ICE1: variants seen among roughly 807,000 people sequenced by gnomAD.
ICE1 encodes little elongation complex subunit 1.
In ICE1, 64 loss-of-function variants were observed where a neutral mutation model predicts 192.7. The observed-to-expected ratio is 0.33, with a 90% CI of 0.27 to 0.41. The LOEUF is 0.41. Among genes scored for constraint, ICE1 ranks in the 10% least tolerant of loss-of-function variants. ICE1 has a pLI of 1.00. For synonymous variants in ICE1, 1,010 were observed against 984.5 expected (o/e 1.03, Z -0.49); for missense variants, 2,708 against 2,696.0 (o/e 1.00, Z -0.10).
intron 10 of ICE1, among the ~76,000 whole-genome samples, chr5:5,453,969 G>A (rs952113519): frequency 1.4e-4 from 22 of 151,978 alleles, no homozygotes; most frequent in African/African-American, 4.4e-4. Context: ...TGTGATGATC[G>A]GTTCCTACCC....
At position 5,465,119 on chromosome 5, in the gene ICE1, C is replaced by A; in HGVS notation, c.5785C>A (p.Leu1929Met). 1 of 1,612,470 alleles carries A rather than the reference C, an allele frequency of 6.2e-7. No individual in the cohort carries two copies. The change falls in exon 13 of 19, where the codon CTG becomes ATG. Residue 1929 changes from leucine to methionine, a missense_variant. Transcript: ENST00000296564. ...LKKIAEFSFDLLPVIRSHVYV... is the reference protein window; with the variant it reads ...LKKIAEFSFDMLPVIRSHVYV... Reference sequence around the variant, plus strand: ...GAAAATTGCAGAGTTTTCTTTTGATCTGTTACCTGTCATTCGTAGTCATGT... The same window carrying A: ...GAAAATTGCAGAGTTTTCTTTTGATATGTTACCTGTCATTCGTAGTCATGT...
intron 17 of ICE1, among the ~76,000 whole-genome samples, chr5:5,478,854 T>C (rs563786894): frequency 2.1e-4 from 32 of 152,292 alleles, no homozygotes; most frequent in African/African-American, 7.5e-4. Context: ...GGAAAAGGAT[T>C]CCCTATTTAT....
intron 1 of ICE1, among the ~76,000 whole-genome samples, chr5:5,428,226 G>A (rs1737583968): frequency 6.6e-6 from 1 of 152,086 alleles, no homozygotes; most frequent in Non-Finnish European, 1.5e-5. Flanking sequence ...CAGTTAGAGA[G>A]AGGTGGACAT....
Position 5,467,792 on chromosome 5 carries a change from A to G in ICE1, c.6062-1036A>G, listed in dbSNP as rs558583527. 1.1e-4 allele frequency among the ~76,000 whole-genome samples: 16 copies of G among 152,334 alleles called. No individual in the cohort carries two copies. In the South Asian group the frequency reaches 2.5e-3, roughly 24 times the overall value. On this transcript the variant is annotated intron_variant, in intron 14 of 18. Coordinates refer to ENST00000296564, the MANE Select transcript of ICE1 (RefSeq NM_015325.3). ...TAGATAAAGTAGAACAAAGAAAACT[A>G]AAAAGATGTGATTGTACAGCAAACA... is the stretch of plus-strand genomic sequence containing the variant.
At chr5:5,468,365 C>CT (rs1166340955) in intron 14 of ICE1, among the ~76,000 whole-genome samples, 2 of 152,146 alleles carry the variant, frequency 1.3e-5, no homozygotes, top group African/African-American at 4.8e-5. Context: ...GAACTTTATA[C>CT]TTTAAAAGAG....
At chr5:5,481,698 T>G (rs574590712) in intron 17 of ICE1, among the ~76,000 whole-genome samples, 1 of 152,338 alleles carries the variant, frequency 6.6e-6, no homozygotes, top group East Asian at 1.9e-4. Flanking sequence ...ATAACAATGT[T>G]TTCATCAGCA....
chr5:5,456,557 T>C (rs1250856607), intron 11 of ICE1, among the ~76,000 whole-genome samples: 1 of 152,214 alleles, frequency 6.6e-6, no homozygotes, highest in Admixed American at 6.5e-5. Context: ...TTGTTCAGAT[T>C]GGCTCTGGGT....
intron 1 of ICE1, among the ~76,000 whole-genome samples, chr5:5,426,122 G>A (rs1233708066): frequency 1.3e-5 from 2 of 152,196 alleles, no homozygotes; most frequent in East Asian, 1.9e-4. Context: ...GAAATAGCAG[G>A]CCAGGTTAGA....
intron 17 of ICE1, among the ~76,000 whole-genome samples, chr5:5,477,168 GA>G (rs534382540): frequency 3.8e-4 from 58 of 151,900 alleles, no homozygotes; most frequent in African/African-American, 1.3e-3. Context: ...CTCTTAGACA[GA>G]AAAAACCCTT....
In ICE1 at chr5:5,461,221, T is replaced by A; in HGVS notation, c.1887T>A (p.Ser629Arg). The A allele has an allele frequency of 6.2e-7, 1 of 1,613,932 alleles. No individual in the cohort carries two copies. The highest frequency in any genetic ancestry group is 2.2e-5 in the East Asian group (1 of 44,888). ...TAGCAGGGCTTGACATTGAAACCAG[T>A]TTTTCTTCCTCTTCTACCTTGGTAG... Reference protein sequence around the residue: ...MDVAGLDIETSFSSSSTLVAL... With the variant: ...MDVAGLDIETRFSSSSTLVAL... The change falls in exon 13 of 19, where the codon AGT (serine) becomes AGA (arginine). Residue 629 changes from serine (S) to arginine (R), a missense_variant. Coordinates refer to ENST00000296564, the MANE Select transcript of ICE1 (RefSeq NM_015325.3).
intron 10 of ICE1, among the ~76,000 whole-genome samples, chr5:5,449,349 A>T (rs1011506974): frequency 6.6e-6 from 1 of 152,044 alleles, no homozygotes; most frequent in African/African-American, 2.4e-5. Flanking sequence ...TATGGAAAAG[A>T]TTTGCAAAGT....
intron 10 of ICE1, among the ~76,000 whole-genome samples, chr5:5,454,203 T>C (rs1035459489): frequency 2.0e-5 from 3 of 152,178 alleles, no homozygotes; most frequent in African/African-American, 4.8e-5. Context: ...CTCAAAGCAC[T>C]CTCTGGTGAA....
rs147103222 is a variant in ICE1, at chr5:5,433,106, T to C, written c.85-3312T>C. Reference sequence around the variant, plus strand: ...TGGAAGACAGAAGGACTACACTGTTTGGAAGCCTAATGAAGAGAGACAGGC... The same window carrying C: ...TGGAAGACAGAAGGACTACACTGTTCGGAAGCCTAATGAAGAGAGACAGGC... On this transcript the variant is annotated intron_variant, in intron 1 of 18. Transcript: ENST00000296564. Among the ~76,000 whole-genome samples, 6 of 152,200 alleles carry C rather than the reference T, an allele frequency of 3.9e-5. No individual in the cohort carries two copies. In the South Asian group the frequency reaches 1.2e-3, roughly 31 times the overall value.
intron 1 of ICE1, among the ~76,000 whole-genome samples, chr5:5,424,330 T>TG (rs1196351285): frequency 6.6e-6 from 1 of 152,084 alleles, no homozygotes; most frequent in African/African-American, 2.4e-5. Context: ...AACTAACAGA[T>TG]CATTGCCTTC....
intron 6 of ICE1, 39 bp downstream of exon 6, chr5:5,443,283 A>C (rs1738104795): frequency 9.0e-7 from 1 of 1,109,516 alleles, no homozygotes; most frequent in African/African-American, 1.6e-5. Context: ...TACGGTTTTC[A>C]GTTTTGAAAA....
chr5:5,451,595 A>G (rs1303218478), intron 10 of ICE1, among the ~76,000 whole-genome samples: 1 of 152,174 alleles, frequency 6.6e-6, no homozygotes, highest in African/African-American at 2.4e-5. Flanking sequence ...ATGTAAGTAG[A>G]ATGGTCCATT....
chr5:5,452,563 T>C (rs1738456033), intron 10 of ICE1, among the ~76,000 whole-genome samples: 2 of 152,042 alleles, frequency 1.3e-5, no homozygotes, highest in African/African-American at 4.8e-5. Flanking sequence ...GATGAGAAGA[T>C]TCAAAGCATA....
chr5:5,478,088 C>CA (rs1739392162), intron 17 of ICE1, among the ~76,000 whole-genome samples: 2 of 152,178 alleles, frequency 1.3e-5, no homozygotes, highest in African/African-American at 4.8e-5. Context: ...CCTCTCTTAC[C>CA]ACTCCTGTTC....
chr5:5,423,025 C>A, intron 1 of ICE1, 26 bp downstream of exon 1: 1 of 1,332,752 alleles, frequency 7.5e-7, no homozygotes, highest in Non-Finnish European at 9.7e-7. Flanking sequence ...GGGCCCCGGG[C>A]GCGGGGGGGG....
Sources: gnomAD v4.1 joint callset for allele counts (sites outside exome capture counted in the v4.1 genomes callset) on GRCh38, gnomAD v4.1.1 for gene constraint, MANE v1.5 for transcripts, NCBI Gene and HGNC (gene_info 2026-07-23, HGNC 2026-07-21) for gene names.